The following ITPRID1 variants were observed in gnomAD, a reference collection of about 807,000 sequenced individuals.
The protein encoded by ITPRID1 is protein ITPRID1.
A neutral mutation model predicts 95.4 loss-of-function variants in ITPRID1; 96 were observed. That is an observed-to-expected ratio of 1.01 (90% CI 0.85 to 1.19). The LOEUF is 1.19. Among genes scored for constraint, ITPRID1 ranks in the 50% most tolerant of loss-of-function variants. ITPRID1 has a pLI of 0.00. For missense variants in ITPRID1, 1,339 were observed against 1,252.9 expected (o/e 1.07, Z -1.04); for synonymous variants, 510 against 453.6 (o/e 1.12, Z -1.58).
At chr7:31,522,968 T>C (rs1200674781) in intron 1 of ITPRID1, among the ~76,000 whole-genome samples, 1 of 152,192 alleles carries the variant, frequency 6.6e-6, no homozygotes, top group Non-Finnish European at 1.5e-5. Context: ...ACCTATATTG[T>C]ATGGGGAAAT....
intron 10 of ITPRID1, among the ~76,000 whole-genome samples, chr7:31,621,099 G>A (rs926112894): frequency 1.9e-3 from 288 of 152,020 alleles, no homozygotes; most frequent in Non-Finnish European, 3.4e-3. Flanking sequence ...AAGAAATATG[G>A]GACTATGTGA....
intron 10 of ITPRID1, among the ~76,000 whole-genome samples, chr7:31,617,465 A>ATT (rs1318569975): frequency 6.7e-6 from 1 of 150,116 alleles, no homozygotes; most frequent in Non-Finnish European, 1.5e-5. Context: ...GAAAATGTGA[A>ATT]TTAGTATAAA....
At chr7:31,640,348 A>T (rs1028098819) in intron 10 of ITPRID1, among the ~76,000 whole-genome samples, 2 of 152,096 alleles carry the variant, frequency 1.3e-5, no homozygotes, top group Non-Finnish European at 2.9e-5. Context: ...GCATGAGCTC[A>T]TCAGTACTCA....
chr7:31,635,621 T>C (rs532607648), intron 10 of ITPRID1, among the ~76,000 whole-genome samples: 1 of 152,334 alleles, frequency 6.6e-6, no homozygotes, highest in Admixed American at 6.5e-5. Flanking sequence ...TTAGGGACCC[T>C]TTGTAGTTGT....
chr7:31,579,402 G>A (rs926382785), intron 9 of ITPRID1, among the ~76,000 whole-genome samples: 15 of 152,260 alleles, frequency 9.9e-5, no homozygotes, highest in East Asian at 7.7e-4. Flanking sequence ...TTACTTCTCC[G>A]TTGAGCCCTC....
chr7:31,594,141 GC>G (rs752238914), intron 10 of ITPRID1, among the ~76,000 whole-genome samples: 46 of 152,278 alleles, frequency 3.0e-4, no homozygotes, highest in Non-Finnish European at 6.5e-4. Context: ...TGTTACAGTT[GC>G]CTACAGTATT....
intron 10 of ITPRID1, among the ~76,000 whole-genome samples, chr7:31,617,267 C>G (rs199638862): frequency 6.3e-4 from 1 of 1,586 alleles, no homozygotes; most frequent in South Asian, 0.083. Context: ...AACAATTTAA[C>G]TTTGCAAAGG....
chr7:31,620,377 C>T (rs1051491391), intron 10 of ITPRID1, among the ~76,000 whole-genome samples: 1 of 151,966 alleles, frequency 6.6e-6, no homozygotes, highest in Non-Finnish European at 1.5e-5. Flanking sequence ...GGCAGATTGA[C>T]ACCTCACACG....
chr7:31,594,442 G>GAT (rs528931653), intron 10 of ITPRID1, among the ~76,000 whole-genome samples: 121 of 152,296 alleles, frequency 7.9e-4, no homozygotes, highest in Non-Finnish European at 1.5e-3. Flanking sequence ...AAGGAAAACT[G>GAT]ATACGTTTTA....
Position 31,652,609 on chromosome 7 carries a change from G to A in ITPRID1, c.2915G>A (p.Cys972Tyr), listed in dbSNP as rs1791062601. ...GAAGAAAGCAATGGGCAGACTTCAT[G>A]TTCTAAAATCCACCCAGGCATGGCC... ...WIEESNGQTSCSKIHPGMAPR... is the reference protein window; with the variant it reads ...WIEESNGQTSYSKIHPGMAPR... Residue 972 changes from cysteine to tyrosine, a missense_variant, in exon 15 of 15, where the codon TGT (cysteine) becomes TAT (tyrosine). Coordinates refer to ENST00000615280, the MANE Select transcript of ITPRID1 (RefSeq NM_001257967.3). 1 of 1,613,422 alleles carries A rather than the reference G, an allele frequency of 6.2e-7. No individual in the cohort carries two copies. Among genetic ancestry groups the A allele is most frequent in the Non-Finnish European group, 8.5e-7 (1 of 1,179,702 alleles).
chr7:31,642,923 A>G lies in ITPRID1; in HGVS notation c.1553A>G (p.Tyr518Cys). 6.2e-7 allele frequency: 1 copy of G among 1,614,044 alleles called. No homozygotes were observed. Among genetic ancestry groups the G allele is most frequent in the Middle Eastern group, 1.6e-4 (1 of 6,062 alleles). The change falls in exon 12 of 15, where the codon TAT becomes TGT. Residue 518 changes from tyrosine (Y) to cysteine (C), a missense_variant. Coordinates refer to ENST00000615280, the MANE Select transcript of ITPRID1 (RefSeq NM_001257967.3). ...GCCATGGAGGGGCCACCAGAGCTGTATATCCCAGACATGGCCTGTGCCAAG... is the reference window on the plus strand; with the variant it reads ...GCCATGGAGGGGCCACCAGAGCTGTGTATCCCAGACATGGCCTGTGCCAAG... Reference protein sequence around the residue: ...LEAMEGPPELYIPDMACAKTT... With the variant: ...LEAMEGPPELCIPDMACAKTT...
chr7:31,534,149 C>G (rs539993406), intron 1 of ITPRID1, among the ~76,000 whole-genome samples: 16 of 152,302 alleles, frequency 1.1e-4, no homozygotes, highest in Admixed American at 4.6e-4. Context: ...CATTCCCTGC[C>G]ACCTCCACAA....
rs982150865 is a variant in ITPRID1, at chr7:31,655,542, G to A, written c.*2713G>A. The stretch of plus-strand genomic sequence containing the variant: ...GTACTTTTAGAATAAGCCAGAGAAT[G>A]AGAGAGAAATCACAGGATCATACTT... On this transcript the variant is annotated 3_prime_UTR_variant, in exon 15 of 15. Transcript: ENST00000615280. 1.3e-5 allele frequency among the ~76,000 whole-genome samples: 2 copies of A among 152,158 alleles called. No individual in the cohort carries two copies. Among genetic ancestry groups the A allele is most frequent in the African/African-American group, 2.4e-5 (1 of 41,448 alleles).
chr7:31,533,182 C>T (rs1562552171), intron 1 of ITPRID1, among the ~76,000 whole-genome samples: 1 of 152,090 alleles, frequency 6.6e-6, no homozygotes, highest in Non-Finnish European at 1.5e-5. Flanking sequence ...TCAATTTCTT[C>T]AATGCATATG....
Position 31,652,828 on chromosome 7 carries a change from A to G in ITPRID1, c.3134A>G (p.Ter1045TrpextTer52), listed in dbSNP as rs751182661. ...VGEKDADVFL* is the reference protein window; with the variant it reads ...VGEKDADVFLW Reference sequence around the variant, plus strand: ...GAAAAGGATGCAGATGTCTTCCTCTAGATCAGAGCAGGTTTGTTAACCTTC... The same window carrying G: ...GAAAAGGATGCAGATGTCTTCCTCTGGATCAGAGCAGGTTTGTTAACCTTC... Residue 1045 changes from the stop codon to tryptophan (W), a stop_lost, in exon 15 of 15, where the codon TAG (stop) becomes TGG (tryptophan). Coordinates refer to ENST00000615280, the MANE Select transcript of ITPRID1 (RefSeq NM_001257967.3). 4.3e-6 allele frequency: 7 copies of G among 1,610,174 alleles called. No individual in the cohort carries two copies. The African/African-American group carries it at 8.0e-5, about 18-fold the overall frequency.
At chr7:31,517,113 A>G (rs1402186854) in intron 1 of ITPRID1, among the ~76,000 whole-genome samples, 1 of 152,206 alleles carries the variant, frequency 6.6e-6, no homozygotes, top group Non-Finnish European at 1.5e-5. Flanking sequence ...CAGAGAACAA[A>G]GCAAACCTAG....
chr7:31,556,345 C>A (rs1008519319), intron 5 of ITPRID1, among the ~76,000 whole-genome samples: 1 of 152,150 alleles, frequency 6.6e-6, no homozygotes, highest in Non-Finnish European at 1.5e-5. Context: ...TTCGCTTGTA[C>A]AAGGCCCTTT....
chr7:31,561,967 G>A (rs1259300528), intron 5 of ITPRID1, among the ~76,000 whole-genome samples: 2 of 149,064 alleles, frequency 1.3e-5, no homozygotes, highest in Non-Finnish European at 3.0e-5. Context: ...AGAGCCCATG[G>A]TCATGGATGT....
chr7:31,614,775 CATT>C (rs1485418548), intron 10 of ITPRID1, among the ~76,000 whole-genome samples: 6 of 152,148 alleles, frequency 3.9e-5, no homozygotes, highest in Non-Finnish European at 1.5e-5. Context: ...CATTGAACAT[CATT>C]GTCATCTGGT....
Sources: gnomAD v4.1 joint callset for allele counts (sites outside exome capture counted in the v4.1 genomes callset) on GRCh38, gnomAD v4.1.1 for gene constraint, MANE v1.5 for transcripts, NCBI Gene and HGNC (gene_info 2026-07-23, HGNC 2026-07-21) for gene names.